PABPN1: variants seen among roughly 807,000 people sequenced by gnomAD.
PABPN1 encodes polyadenylate-binding protein 2.
Under a neutral mutation model 33.4 loss-of-function variants are expected in PABPN1, and 5 were observed. The observed-to-expected ratio is 0.15, with a 90% CI of 0.08 to 0.32. PABPN1 has a LOEUF of 0.32. PABPN1 is among the 10% of genes least tolerant of loss of function. PABPN1 has a pLI of 1.00. For missense variants in PABPN1, 312 were observed against 425.8 expected (o/e 0.73, Z 2.35); for synonymous variants, 176 against 170.6 (o/e 1.03, Z -0.25).
At chr14:23,322,510 C>T (rs1001327693) in intron 2 of PABPN1, 16 of 592,468 alleles carry the variant, frequency 2.7e-5, no homozygotes, top group Non-Finnish European at 3.7e-5. Flanking sequence ...CCCTTTGTGC[C>T]TGTTATAATT....
At position 23,325,530 on chromosome 14, in the gene PABPN1, C is replaced by A. The variant is rs1007462960; in HGVS notation, c.*244C>A. On this transcript the variant is annotated 3_prime_UTR_variant, in exon 7 of 7. Coordinates refer to ENST00000216727, the MANE Select transcript of PABPN1 (RefSeq NM_004643.4). The stretch of plus-strand genomic sequence containing the variant: ...GGGCTGCTTATTCACTCTGGGGATT[C>A]GCCATGGACACGTCTCAACTGCGCA... 2 of 541,112 alleles carry A rather than the reference C, an allele frequency of 3.7e-6. No individual in the cohort carries two copies. Among genetic ancestry groups the A allele is most frequent in the Non-Finnish European group, 6.5e-6 (2 of 308,714 alleles). 33.5% of individuals were successfully genotyped at this position (541,112 alleles called of 1,614,324 possible). A position where few individuals can be genotyped will look rare whatever the true frequency, so the allele number is the denominator to read the frequency against.
At chr14:23,324,468 T>A in intron 6 of PABPN1, 179 bp downstream of exon 6, 1 of 759,172 alleles carries the variant, frequency 1.3e-6, no homozygotes, top group South Asian at 1.6e-5. Context: ...GCCAGCCTCA[T>A]CATCTTTTCT....
Position 23,323,818 on chromosome 14 carries a change from C to T in PABPN1, c.642-147C>T, listed in dbSNP as rs770215820. On this transcript the variant is annotated intron_variant, in intron 4 of 6. Coordinates refer to ENST00000216727, the MANE Select transcript of PABPN1 (RefSeq NM_004643.4). ...GGAAATTTTAAAATTTAAATGATTT[C>T]GAATGATTGAAATTTTCCATTTAGA... is the stretch of plus-strand genomic sequence containing the variant. 77 of 902,856 alleles carry T rather than the reference C, an allele frequency of 8.5e-5. 1 individual carries two copies. Among genetic ancestry groups the T allele is most frequent in the South Asian group, 1.8e-4 (12 of 65,182 alleles). 55.9% of individuals were successfully genotyped at this position (902,856 alleles called of 1,614,324 possible). A position where few individuals can be genotyped will look rare whatever the true frequency, so the allele number is the denominator to read the frequency against.
chr14:23,322,878 A>C (rs950007612), intron 2 of PABPN1, 121 bp from the exon 3 acceptor site: 1 of 1,368,170 alleles, frequency 7.3e-7, no homozygotes, highest in African/African-American at 1.4e-5. Flanking sequence ...AGGGAACAGC[A>C]CAGACCAAAA....
rs565611039 is a variant in PABPN1, at chr14:23,322,965, G to A, written c.467-34G>A. The A allele has an allele frequency of 1.0e-4, 168 of 1,613,872 alleles. 1 individual carries two copies. In the South Asian group the frequency reaches 1.7e-3, roughly 16 times the overall value. ...TATTGGTCAAGTAGAAAACAAGTGTGTGGTTTTTGTAAAAAATTATTTTTT... is the reference window on the plus strand; with the variant it reads ...TATTGGTCAAGTAGAAAACAAGTGTATGGTTTTTGTAAAAAATTATTTTTT... On this transcript the variant is annotated intron_variant, in intron 2 of 6. Transcript: ENST00000216727.
intron 6 of PABPN1, chr14:23,324,553 T>C: frequency 6.9e-6 from 4 of 583,304 alleles, no homozygotes; most frequent in East Asian, 2.9e-5. Flanking sequence ...CTTTTTTTTC[T>C]TGGGAGTTGG....
At chr14:23,322,931 A>G in intron 2 of PABPN1, 68 bp from the exon 3 acceptor site, 1 of 1,604,428 alleles carries the variant, frequency 6.2e-7, no homozygotes, top group Non-Finnish European at 8.5e-7. Flanking sequence ...TGGTGGTGGA[A>G]GTGCAACATA....
At position 23,325,990 on chromosome 14, in the gene PABPN1, T is replaced by G. The variant is rs1344898560; in HGVS notation, c.*704T>G. The G allele has an allele frequency of 3.0e-5, 1 of 33,692 alleles. No homozygotes were observed. Among genetic ancestry groups the G allele is most frequent in the African/African-American group, 8.5e-5 (1 of 11,716 alleles). The allele number at this position is 33,692 out of a possible 1,614,324, so 2.1% of individuals were successfully genotyped here. ...GTTTTTGTTTTTCAGTTGTTTTGTTTTTTTGTTTTTTTTTTTTTTCCTTTG... is the reference window on the plus strand; with the variant it reads ...GTTTTTGTTTTTCAGTTGTTTTGTTGTTTTGTTTTTTTTTTTTTTCCTTTG... On this transcript the variant is annotated 3_prime_UTR_variant, in exon 7 of 7. Transcript: ENST00000216727.
chr14:23,325,070 GC>G, intron 6 of PABPN1, 176 bp from the exon 7 acceptor site: 1 of 782,056 alleles, frequency 1.3e-6, no homozygotes. Flanking sequence ...CCCTCCCCCT[GC>G]CCCAGTTCTC....
intron 3 of PABPN1, 138 bp from the exon 4 acceptor site, chr14:23,323,239 G>A: frequency 7.7e-7 from 1 of 1,295,518 alleles, no homozygotes; most frequent in Non-Finnish European, 1.1e-6. Flanking sequence ...TCTGGGTTTG[G>A]AAGGAAAAGA....
At chr14:23,321,927 G>GGGGGGGGGGGGGGCA in intron 1 of PABPN1, 107 bp downstream of exon 1, 1 of 458,120 alleles carries the variant, frequency 2.2e-6, no homozygotes, top group Non-Finnish European at 4.0e-6. Flanking sequence ...GTTGGGCGGG[G>GGGGGGGGGGGGGGCA]AATAACGTGG....
At chr14:23,322,932 G>C in intron 2 of PABPN1, 67 bp from the exon 3 acceptor site, 1 of 1,607,398 alleles carries the variant, frequency 6.2e-7, no homozygotes, top group Non-Finnish European at 8.5e-7. Context: ...GGTGGTGGAA[G>C]TGCAACATAT....
intron 2 of PABPN1, chr14:23,322,527 C>T (rs1270771929): frequency 1.2e-5 from 7 of 561,016 alleles, no homozygotes; most frequent in African/African-American, 3.8e-5. Flanking sequence ...AATTGTGTTG[C>T]TCTTTGTTCT....
chr14:23,325,032 C>A, intron 6 of PABPN1: 1 of 403,628 alleles, frequency 2.5e-6, no homozygotes, highest in Non-Finnish European at 4.0e-6. Context: ...TCTTTTTCGC[C>A]ACTGTTTGGC....
chr14:23,325,925 C>A lies in PABPN1; in HGVS notation c.*639C>A, dbSNP rs982149610. The A allele has an allele frequency of 6.6e-6, 1 of 152,622 alleles. No homozygotes were observed. The highest frequency in any genetic ancestry group is 6.5e-5 in the Admixed American group (1 of 15,290). The allele number at this position is 152,622 out of a possible 1,614,324, so 9.5% of individuals were successfully genotyped here. On this transcript the variant is annotated 3_prime_UTR_variant, in exon 7 of 7. Transcript: ENST00000216727. The stretch of plus-strand genomic sequence containing the variant: ...GCTCCAGTGTAAATTCCCCTTCCCC[C>A]TGGGGAAATGCACTACCTTGTTTTG...
At chr14:23,323,349 G>T in intron 3 of PABPN1, 28 bp from the exon 4 acceptor site, 6 of 1,609,102 alleles carry the variant, frequency 3.7e-6, no homozygotes, top group Non-Finnish European at 5.1e-6. Context: ...TTTGCCTGGT[G>T]CCTGTGAAAT....
chr14:23,322,110 C>T lies in PABPN1; in HGVS notation c.352-71C>T, dbSNP rs1323358996. 3 of 1,487,658 alleles carry T rather than the reference C, an allele frequency of 2.0e-6. No individual in the cohort carries two copies. The African/African-American group carries it at 4.2e-5, about 21-fold the overall frequency. 92.2% of individuals were successfully genotyped at this position (1,487,658 alleles called of 1,614,324 possible). A position where few individuals can be genotyped will look rare whatever the true frequency, so the allele number is the denominator to read the frequency against. ...GAGCATGGCTGAGGCCGCGCTCTGG[C>T]CGAGAGCAGGGCACAGCCCCTGCGT... On this transcript the variant is annotated intron_variant, in intron 1 of 6. Transcript: ENST00000216727.
chr14:23,321,907 G>A lies in PABPN1; in HGVS notation c.351+87G>A, dbSNP rs960657554. 93 of 899,054 alleles carry A rather than the reference G, an allele frequency of 1.0e-4. No homozygotes were observed. The East Asian group carries it at 2.2e-3, about 21-fold the overall frequency. 55.7% of individuals were successfully genotyped at this position (899,054 alleles called of 1,614,324 possible). The stretch of plus-strand genomic sequence containing the variant: ...GAGCTCGGGCGAGCGGGTGGCAGGC[G>A]GGGGGTGGGGTTGGGCGGGGAATAA... On this transcript the variant is annotated intron_variant, in intron 1 of 6. Transcript: ENST00000216727.
At position 23,324,123 on chromosome 14, in the gene PABPN1, TC is replaced by T. The variant is rs1178254681; in HGVS notation, c.730-14del. On this transcript the variant is annotated splice_polypyrimidine_tract_variant and intron_variant, in intron 5 of 6. Coordinates refer to ENST00000216727, the MANE Select transcript of PABPN1 (RefSeq NM_004643.4). ...GGTTGCCTTTAAGGCTATCATTTGT[TC>T]ATCTCTGACTCAGGTGATCCCAAAA... 3 of 1,614,222 alleles carry T rather than the reference TC, an allele frequency of 1.9e-6. No homozygotes were observed. The highest frequency in any genetic ancestry group is 2.5e-6 in the Non-Finnish European group (3 of 1,180,032).
Sources: allele counts gnomAD v4.1 joint callset, GRCh38; gene constraint gnomAD v4.1.1; transcripts MANE v1.5; gene names NCBI Gene and HGNC (gene_info 2026-07-23, HGNC 2026-07-21).